The following KCNH1 variants were observed in gnomAD, a reference collection of about 807,000 sequenced individuals.
KCNH1 encodes the protein voltage-gated delayed rectifier potassium channel KCNH1.
A neutral mutation model predicts 69.2 loss-of-function variants in KCNH1; 27 were observed. That is an observed-to-expected ratio of 0.39 (90% CI 0.29 to 0.54). KCNH1 has a LOEUF of 0.54. Among genes scored for constraint, KCNH1 ranks in the 20% least tolerant of loss-of-function variants. The pLI, the probability that KCNH1 is intolerant of heterozygous loss-of-function variation, is 0.68. For missense variants in KCNH1, 798 were observed against 1,261.6 expected, an observed-to-expected ratio of 0.63 and a Z score of 5.57; for synonymous variants, 456 against 487.7, an observed-to-expected ratio of 0.93 and a Z score of 0.86.
At chr1:211,080,721 G>A (rs1690839905) in intron 5 of KCNH1, among the ~76,000 whole-genome samples, 1 of 152,174 alleles carries the variant, frequency 6.6e-6, no homozygotes, top group Non-Finnish European at 1.5e-5. Context: ...ATGGGGAAAG[G>A]ATTCTCTATT....
intron 6 of KCNH1, among the ~76,000 whole-genome samples, chr1:210,962,831 T>TCAGAC (rs982433949): frequency 5.0e-4 from 76 of 150,794 alleles, no homozygotes; most frequent in African/African-American, 1.8e-3. Flanking sequence ...TTTCAGGTTC[T>TCAGAC]CAGACTTTTT....
chr1:210,771,017 G>C (rs974458925), intron 10 of KCNH1, among the ~76,000 whole-genome samples: 3 of 152,192 alleles, frequency 2.0e-5, no homozygotes, highest in African/African-American at 7.2e-5. Flanking sequence ...TCATGAGGCT[G>C]TTCCGAAGAT....
At chr1:210,925,925 T>C (rs534170357) in intron 6 of KCNH1, among the ~76,000 whole-genome samples, 1 of 152,304 alleles carries the variant, frequency 6.6e-6, no homozygotes, top group Non-Finnish European at 1.5e-5. Flanking sequence ...TGATGCACTC[T>C]TGAAAGTGCC....
rs117368698 is a variant in KCNH1, at chr1:210,808,224, C to T, written c.1463-4058G>A. Among the ~76,000 whole-genome samples the T allele has an allele frequency of 2.2e-4, 33 of 152,298 alleles. No homozygotes were observed. The East Asian group carries it at 6.0e-3, about 28-fold the overall frequency. On this transcript the variant is annotated intron_variant, in intron 7 of 10. Coordinates refer to ENST00000271751, the MANE Select transcript of KCNH1 (RefSeq NM_172362.3). ...CTGATTCACAATGAACCAGGAGTCA[C>T]AGGAAAAGAGTAGATGTGCCTCTTT...
At chr1:211,001,403 A>G (rs1258771750) in intron 6 of KCNH1, among the ~76,000 whole-genome samples, 1 of 152,252 alleles carries the variant, frequency 6.6e-6, no homozygotes. Context: ...GCCAAAAGAC[A>G]CATGAAAAAA....
At chr1:210,915,684 A>G (rs1339154075) in intron 7 of KCNH1, among the ~76,000 whole-genome samples, 1 of 152,176 alleles carries the variant, frequency 6.6e-6, no homozygotes, top group African/African-American at 2.4e-5. Context: ...CATTTTAGTC[A>G]ACTGTTTTCA....
At chr1:210,833,615 T>C (rs1393472899) in intron 7 of KCNH1, among the ~76,000 whole-genome samples, 2 of 152,082 alleles carry the variant, frequency 1.3e-5, no homozygotes, top group Non-Finnish European at 2.9e-5. Context: ...ATTCAGGACA[T>C]AGGCACGGGC....
At chr1:210,962,160 T>C (rs770565258) in intron 6 of KCNH1, among the ~76,000 whole-genome samples, 3 of 152,202 alleles carry the variant, frequency 2.0e-5, no homozygotes, top group Admixed American at 1.3e-4. Flanking sequence ...TTCCATCTCC[T>C]TACTCAGGAA....
chr1:211,113,340 A>G (rs1413146015), intron 1 of KCNH1, among the ~76,000 whole-genome samples: 1 of 152,164 alleles, frequency 6.6e-6, no homozygotes, highest in Non-Finnish European at 1.5e-5. Context: ...GAATACCGTT[A>G]TTGTAGTCAT....
intron 9 of KCNH1, among the ~76,000 whole-genome samples, chr1:210,791,203 C>T (rs1277177132): frequency 6.6e-6 from 1 of 152,186 alleles, no homozygotes; most frequent in Non-Finnish European, 1.5e-5. Flanking sequence ...AAAGGTCTCC[C>T]ACTCAGTGCA....
chr1:210,845,812 T>C (rs1685530126), intron 7 of KCNH1, among the ~76,000 whole-genome samples: 1 of 152,144 alleles, frequency 6.6e-6, no homozygotes, highest in Non-Finnish European at 1.5e-5. Context: ...GATGACATGA[T>C]TGTATATCTA....
intron 9 of KCNH1, among the ~76,000 whole-genome samples, chr1:210,792,825 G>A (rs891722061): frequency 5.3e-5 from 8 of 152,020 alleles, no homozygotes; most frequent in Non-Finnish European, 7.4e-5. Flanking sequence ...TATAAATATC[G>A]TACTTATAAG....
At chr1:210,920,837 C>G (rs1687443821) in intron 6 of KCNH1, among the ~76,000 whole-genome samples, 1 of 152,174 alleles carries the variant, frequency 6.6e-6, no homozygotes, top group Admixed American at 6.5e-5. Flanking sequence ...ACACCACCTA[C>G]TTAAATACAA....
At chr1:210,968,711 G>A (rs1192226763) in intron 6 of KCNH1, among the ~76,000 whole-genome samples, 2 of 151,174 alleles carry the variant, frequency 1.3e-5, no homozygotes, top group Non-Finnish European at 3.0e-5. Context: ...TTTTTGATGG[G>A]GTTGTTTGTT....
At position 211,045,041 on chromosome 1, in the gene KCNH1, G is replaced by GATATATAGATATATATAT. The variant is rs1164564038; in HGVS notation, c.559-25786_559-25785insATATATATATCTATATAT. 1.5e-4 allele frequency among the ~76,000 whole-genome samples: 12 copies of GATATATAGATATATATAT among 81,738 alleles called. 1 individual carries two copies. Among genetic ancestry groups the GATATATAGATATATATAT allele is most frequent in the East Asian group, 3.1e-4 (1 of 3,220 alleles). 53.6% of individuals were successfully genotyped at this position (81,738 alleles called of 152,430 possible). A position where few individuals can be genotyped will look rare whatever the true frequency, so the allele number is the denominator to read the frequency against. On this transcript the variant is annotated intron_variant, in intron 5 of 10. Coordinates refer to ENST00000271751, the MANE Select transcript of KCNH1 (RefSeq NM_172362.3). Reference sequence around the variant, plus strand: ...ATCAATGTGTGGATAAATTGTGGGGGATATATATATATATATATGAATAAT... The same window carrying GATATATAGATATATATAT: ...ATCAATGTGTGGATAAATTGTGGGGGATATATAGATATATATATATATATATATATATATATGAATAAT...
chr1:210,924,769 A>T (rs1402741599), intron 6 of KCNH1, among the ~76,000 whole-genome samples: 4 of 152,156 alleles, frequency 2.6e-5, no homozygotes, highest in Non-Finnish European at 5.9e-5. Flanking sequence ...ACTGTATGTG[A>T]TGTGCAATTC....
chr1:211,002,032 G>T (rs978677312), intron 6 of KCNH1, among the ~76,000 whole-genome samples: 14 of 151,226 alleles, frequency 9.3e-5, no homozygotes, highest in African/African-American at 2.9e-4. Flanking sequence ...GGAGTGGGGG[G>T]GGATAGCATT....
At chr1:211,088,991 C>T (rs1691005260) in intron 4 of KCNH1, among the ~76,000 whole-genome samples, 6 of 151,806 alleles carry the variant, frequency 4.0e-5, no homozygotes. Context: ...CGAATGCAGG[C>T]ACCTACATGC....
intron 10 of KCNH1, among the ~76,000 whole-genome samples, chr1:210,710,424 C>G (rs7554097): frequency 0.44 from 66,471 of 151,642 alleles, 16,259 homozygotes; most frequent in Middle Eastern, 0.63. Flanking sequence ...GAAAGAGAGA[C>G]AGAAAGAGAG....
Sources: gnomAD v4.1 joint callset for allele counts (sites outside exome capture counted in the v4.1 genomes callset) on GRCh38, gnomAD v4.1.1 for gene constraint, MANE v1.5 for transcripts, NCBI Gene and HGNC (gene_info 2026-07-23, HGNC 2026-07-21) for gene names.